ACKR1: variants seen among roughly 807,000 people sequenced by gnomAD.
ACKR1 encodes the protein atypical chemokine receptor 1.
ACKR1 carries 3 observed loss-of-function variants against 2.5 expected under a neutral mutation model. The observed-to-expected ratio is 1.18, with a 90% CI of 0.54 to 3.06. The LOEUF is 3.06. ACKR1 is among the 30% of genes most tolerant of loss of function. The pLI is 0.03. For synonymous variants in ACKR1, 208 were observed against 178.2 expected, an observed-to-expected ratio of 1.17 and a Z score of -1.33; for missense variants, 438 against 395.2, an observed-to-expected ratio of 1.11 and a Z score of -0.92.
chr1:159,206,081 T>C lies in ACKR1; in HGVS notation c.642T>C (p.Cys214=). The C allele has an allele frequency of 1.2e-6, 2 of 1,614,254 alleles. No individual in the cohort carries two copies. Among genetic ancestry groups the C allele is most frequent in the East Asian group, 2.2e-5 (1 of 44,890 alleles). The change falls in exon 2 of 2, where the codon TGT becomes TGC. Residue 214 remains cysteine, a synonymous_variant. Transcript: ENST00000368122. ...TGCAGGCCACACACACTGTAGCCTG[T>C]CTTGCCATCTTTGTCTTGTTGCCAT... is the stretch of plus-strand genomic sequence containing the variant. ...KALQATHTVA[C]LAIFVLLPLG... is the part of the protein sequence containing the mutation.
In ACKR1 at chr1:159,204,948, C is replaced by T; in HGVS notation, c.-12C>T. 3.1e-6 allele frequency: 5 copies of T among 1,614,162 alleles called. No homozygotes were observed. The highest frequency in any genetic ancestry group is 4.2e-6 in the Non-Finnish European group (5 of 1,180,034). Reference sequence around the variant, plus strand: ...CAGCCCTTCTGTCTGCGGGCCTGAACCAAACGGTGCCATGGGGAACTGTCT... The same window carrying T: ...CAGCCCTTCTGTCTGCGGGCCTGAATCAAACGGTGCCATGGGGAACTGTCT... On this transcript the variant is annotated 5_prime_UTR_variant, in exon 1 of 2. Transcript: ENST00000368122.
intron 1 of ACKR1, 134 bp downstream of exon 1, chr1:159,205,114 CA>C: frequency 1.2e-5 from 14 of 1,143,704 alleles, no homozygotes; most frequent in Non-Finnish European, 1.7e-5. Context: ...CCTCTTCCTT[CA>C]AAGTCTTTTT....
rs750596965 is a variant in ACKR1, at chr1:159,206,118, G to A, written c.679G>A (p.Gly227Arg). The A allele has an allele frequency of 6.2e-7, 1 of 1,614,214 alleles. No homozygotes were observed. The highest frequency in any genetic ancestry group is 2.2e-5 in the East Asian group (1 of 44,884). ...TGTCTTGTTGCCATTGGGTTTGTTT[G>A]GAGCCAAGGGGCTGAAGAAGGCATT... is the stretch of plus-strand genomic sequence containing the variant. ...IFVLLPLGLFGAKGLKKALGM... is the reference protein window; with the variant it reads ...IFVLLPLGLFRAKGLKKALGM... Residue 227 changes from glycine to arginine, a missense_variant, in exon 2 of 2, where the codon GGA becomes AGA. Transcript: ENST00000368122.
rs1184827981 is a variant in ACKR1 at position 159,205,938 on chromosome 1, C to T, written c.499C>T (p.Leu167=). The part of the protein sequence containing the change: ...LGAGQVPGLT[L]GLTVGIWGVA... ...TGCAGGCCAGGTCCCAGGCCTCACC[C>T]TGGGGCTCACTGTGGGAATTTGGGG... The change falls in exon 2 of 2, where the codon CTG becomes TTG. Residue 167 remains leucine, a synonymous_variant. Transcript: ENST00000368122. 2 of 1,614,094 alleles carry T rather than the reference C, an allele frequency of 1.2e-6. No homozygotes were observed. The highest frequency in any genetic ancestry group is 4.5e-5 in the East Asian group (2 of 44,884).
At position 159,206,139 on chromosome 1, in the gene ACKR1, G is replaced by T. The variant is rs752606141; in HGVS notation, c.700G>T (p.Ala234Ser). The T allele has an allele frequency of 1.9e-6, 3 of 1,614,224 alleles. No individual in the cohort carries two copies. The South Asian group carries it at 3.3e-5, about 18-fold the overall frequency. ...GTTTGGAGCCAAGGGGCTGAAGAAG[G>T]CATTGGGTATGGGGCCAGGCCCCTG... ...GLFGAKGLKK[A>S]LGMGPGPWMN... is the part of the protein sequence containing the mutation. Residue 234 changes from alanine (A) to serine (S), a missense_variant, in exon 2 of 2, where the codon GCA (alanine) becomes TCA (serine). Physicochemically the swap from Ala to Ser is moderately conservative, Grantham distance 99. Coordinates refer to ENST00000368122, the MANE Select transcript of ACKR1 (RefSeq NM_002036.4).
In ACKR1 at chr1:159,206,106, T is replaced by C. The variant is rs761900827; in HGVS notation, c.667T>C (p.Leu223=). 7 of 1,614,072 alleles carry C rather than the reference T, an allele frequency of 4.3e-6. No individual in the cohort carries two copies. Among genetic ancestry groups the C allele is most frequent in the Non-Finnish European group, 8.5e-7 (1 of 1,180,034 alleles). ...ACLAIFVLLP[L]GLFGAKGLKK... ...TCTTGCCATCTTTGTCTTGTTGCCA[T>C]TGGGTTTGTTTGGAGCCAAGGGGCT... is the stretch of plus-strand genomic sequence containing the variant. The change falls in exon 2 of 2, where the codon TTG becomes CTG. Residue 223 remains leucine, a synonymous_variant. Transcript: ENST00000368122.
chr1:159,206,182 C>G lies in ACKR1; in HGVS notation c.743C>G (p.Ala248Gly), dbSNP rs1266248927. The G allele has an allele frequency of 6.2e-7, 1 of 1,614,206 alleles. No individual in the cohort carries two copies. The highest frequency in any genetic ancestry group is 1.7e-5 in the Admixed American group (1 of 60,032). Reference sequence around the variant, plus strand: ...GGCCCCTGGATGAATATCCTGTGGGCCTGGTTTATTTTCTGGTGGCCTCAT... The same window carrying G: ...GGCCCCTGGATGAATATCCTGTGGGGCTGGTTTATTTTCTGGTGGCCTCAT... ...GPGPWMNILWAWFIFWWPHGV... is the reference protein window; with the variant it reads ...GPGPWMNILWGWFIFWWPHGV... Residue 248 changes from alanine (A) to glycine (G), a missense_variant, in exon 2 of 2, where the codon GCC becomes GGC. Physicochemically the swap from Ala to Gly is moderately conservative, Grantham distance 60 (BLOSUM62 0). Transcript: ENST00000368122.
chr1:159,206,176 T>C lies in ACKR1; in HGVS notation c.737T>C (p.Leu246Pro). Residue 246 changes from leucine to proline, a missense_variant, in exon 2 of 2, where the codon CTG becomes CCG. Coordinates refer to ENST00000368122, the MANE Select transcript of ACKR1 (RefSeq NM_002036.4). Reference sequence around the variant, plus strand: ...GGGCCAGGCCCCTGGATGAATATCCTGTGGGCCTGGTTTATTTTCTGGTGG... The same window carrying C: ...GGGCCAGGCCCCTGGATGAATATCCCGTGGGCCTGGTTTATTTTCTGGTGG... ...GMGPGPWMNI[L>P]WAWFIFWWPH... The C allele has an allele frequency of 6.2e-7, 1 of 1,614,242 alleles. No homozygotes were observed. Among genetic ancestry groups the C allele is most frequent in the Non-Finnish European group, 8.5e-7 (1 of 1,180,040 alleles).
At position 159,205,779 on chromosome 1, in the gene ACKR1, C is replaced by G; in HGVS notation, c.340C>G (p.Pro114Ala). ...VGSALFSIVV[P>A]VLAPGLGSTR... is the part of the protein sequence containing the mutation. Reference sequence around the variant, plus strand: ...CAGTGCCCTCTTCAGCATTGTGGTGCCCGTCTTGGCCCCAGGGCTAGGTAG... The same window carrying G: ...CAGTGCCCTCTTCAGCATTGTGGTGGCCGTCTTGGCCCCAGGGCTAGGTAG... The change falls in exon 2 of 2, where the codon CCC becomes GCC. Residue 114 changes from proline to alanine, a missense_variant. Coordinates refer to ENST00000368122, the MANE Select transcript of ACKR1 (RefSeq NM_002036.4). 1.2e-6 allele frequency: 2 copies of G among 1,614,096 alleles called. No individual in the cohort carries two copies. The highest frequency in any genetic ancestry group is 1.7e-6 in the Non-Finnish European group (2 of 1,179,996).
At position 159,205,740 on chromosome 1, in the gene ACKR1, C is replaced by T; in HGVS notation, c.301C>T (p.Gln101Ter). 1.2e-6 allele frequency: 2 copies of T among 1,613,972 alleles called. No homozygotes were observed. Among genetic ancestry groups the T allele is most frequent in the Non-Finnish European group, 1.7e-6 (2 of 1,179,888 alleles). ...QLCPGWPVLAQLAVGSALFSI... is the reference protein window; with the variant it reads ...QLCPGWPVLA ...CTGCCCTGGCTGGCCTGTCCTGGCA[C>T]AGCTGGCTGTGGGCAGTGCCCTCTT... The change falls in exon 2 of 2, where the codon CAG (glutamine) becomes TAG (stop). Residue 101 changes from glutamine (Q) to a stop codon, truncating the protein, a stop_gained. Coordinates refer to ENST00000368122, the MANE Select transcript of ACKR1 (RefSeq NM_002036.4). LOFTEE classifies it low-confidence loss of function (END_TRUNC).
In ACKR1 at chr1:159,206,158, G is replaced by T. The variant is rs769160977; in HGVS notation, c.719G>T (p.Gly240Val). 15 of 1,614,118 alleles carry T rather than the reference G, an allele frequency of 9.3e-6. No homozygotes were observed. Among genetic ancestry groups the T allele is most frequent in the South Asian group, 5.5e-5 (5 of 91,088 alleles). The change falls in exon 2 of 2, where the codon GGC becomes GTC. Residue 240 changes from glycine (G) to valine (V), a missense_variant. Coordinates refer to ENST00000368122, the MANE Select transcript of ACKR1 (RefSeq NM_002036.4). Reference sequence around the variant, plus strand: ...AAGAAGGCATTGGGTATGGGGCCAGGCCCCTGGATGAATATCCTGTGGGCC... The same window carrying T: ...AAGAAGGCATTGGGTATGGGGCCAGTCCCCTGGATGAATATCCTGTGGGCC... ...GLKKALGMGP[G>V]PWMNILWAWF... is the part of the protein sequence containing the mutation.
Position 159,206,037 on chromosome 1 carries a change from A to G in ACKR1, c.598A>G (p.Ser200Gly). The change falls in exon 2 of 2, where the codon AGC becomes GGC. Residue 200 changes from serine to glycine, a missense_variant. By Grantham distance (56) the Ser-to-Gly change is moderately conservative. Transcript: ENST00000368122. ...ASGGLCTLIY[S>G]TELKALQATH... Reference sequence around the variant, plus strand: ...TGGTGGACTCTGCACCCTGATATACAGCACGGAGCTGAAGGCTTTGCAGGC... The same window carrying G: ...TGGTGGACTCTGCACCCTGATATACGGCACGGAGCTGAAGGCTTTGCAGGC... 6.2e-7 allele frequency: 1 copy of G among 1,614,228 alleles called. No individual in the cohort carries two copies. Among genetic ancestry groups the G allele is most frequent in the Non-Finnish European group, 8.5e-7 (1 of 1,180,026 alleles).
Position 159,205,549 on chromosome 1 carries a change from C to G in ACKR1, c.110C>G (p.Pro37Arg), listed in dbSNP as rs771374604. 6.2e-7 allele frequency: 1 copy of G among 1,614,120 alleles called. No homozygotes were observed. Among genetic ancestry groups the G allele is most frequent in the Non-Finnish European group, 8.5e-7 (1 of 1,180,046 alleles). The change falls in exon 2 of 2, where the codon CCA becomes CGA. Residue 37 changes from proline (P) to arginine (R), a missense_variant. By Grantham distance (103) the Pro-to-Arg change is moderately radical (BLOSUM62 -2). Coordinates refer to ENST00000368122, the MANE Select transcript of ACKR1 (RefSeq NM_002036.4). ...NSSYGVNDSFPDGDYGANLEA... is the reference protein window; with the variant it reads ...NSSYGVNDSFRDGDYGANLEA... ...TCCTATGGTGTGAATGATTCCTTCC[C>G]AGATGGAGACTATGGTGCCAACCTG...
At chr1:159,205,381 C>A in intron 1 of ACKR1, 80 bp from the exon 2 acceptor site, 1 of 1,534,932 alleles carries the variant, frequency 6.5e-7, no homozygotes, top group Admixed American at 1.9e-5. Flanking sequence ...CCTCTCTGTC[C>A]TCCCCTCCCA....
At position 159,205,651 on chromosome 1, in the gene ACKR1, T is replaced by G; in HGVS notation, c.212T>G (p.Leu71Arg). 6.2e-7 allele frequency: 1 copy of G among 1,614,216 alleles called. No individual in the cohort carries two copies. The highest frequency in any genetic ancestry group is 1.1e-5 in the South Asian group (1 of 91,088). Residue 71 changes from leucine to arginine, a missense_variant, in exon 2 of 2, where the codon CTG (leucine) becomes CGG (arginine). Physicochemically the swap from Leu to Arg is moderately radical, Grantham distance 102. Transcript: ENST00000368122. ...CCCTTCTTCATCCTCACCAGTGTCC[T>G]GGGTATCCTAGCTAGCAGCACTGTC... is the stretch of plus-strand genomic sequence containing the variant. ...ALPFFILTSV[L>R]GILASSTVLF...
In ACKR1 at chr1:159,206,063, C is replaced by G; in HGVS notation, c.624C>G (p.Ala208=). The change falls in exon 2 of 2, where the codon GCC becomes GCG. Residue 208 remains alanine (A), a synonymous_variant. Transcript: ENST00000368122. Reference sequence around the variant, plus strand: ...GCACGGAGCTGAAGGCTTTGCAGGCCACACACACTGTAGCCTGTCTTGCCA... The same window carrying G: ...GCACGGAGCTGAAGGCTTTGCAGGCGACACACACTGTAGCCTGTCTTGCCA... ...IYSTELKALQ[A]THTVACLAIF... is the part of the protein sequence containing the mutation. 2.5e-6 allele frequency: 4 copies of G among 1,614,230 alleles called. No homozygotes were observed. Among genetic ancestry groups the G allele is most frequent in the Non-Finnish European group, 3.4e-6 (4 of 1,180,032 alleles).
chr1:159,205,848 T>C lies in ACKR1; in HGVS notation c.409T>C (p.Tyr137His), dbSNP rs139097208. 1.2e-6 allele frequency: 2 copies of C among 1,613,980 alleles called. No individual in the cohort carries two copies. Among genetic ancestry groups the C allele is most frequent in the African/African-American group, 2.7e-5 (2 of 74,938 alleles). Residue 137 changes from tyrosine (Y) to histidine (H), a missense_variant, in exon 2 of 2, where the codon TAT becomes CAT. Transcript: ENST00000368122. ...GTGTAGCCTGGGCTACTGTGTCTGGTATGGCTCAGCCTTTGCCCAGGCTTT... is the reference window on the plus strand; with the variant it reads ...GTGTAGCCTGGGCTACTGTGTCTGGCATGGCTCAGCCTTTGCCCAGGCTTT... The part of the protein sequence containing the change: ...ALCSLGYCVW[Y>H]GSAFAQALLL...
intron 1 of ACKR1, 101 bp downstream of exon 1, chr1:159,205,081 CTTTTCTCCCT>C: frequency 7.3e-7 from 1 of 1,377,676 alleles, no homozygotes; most frequent in Admixed American, 2.3e-5. Flanking sequence ...TCCTCCTCAT[CTTTTCTCCCT>C]TCCTGCTTTT....
In ACKR1 at chr1:159,206,424, C is replaced by G; in HGVS notation, c.985C>G (p.Leu329Val). The change falls in exon 2 of 2, where the codon CTG (leucine) becomes GTG (valine). Residue 329 changes from leucine to valine, a missense_variant. Transcript: ENST00000368122. The part of the protein sequence containing the change: ...LPLPEGWSSH[L>V]DTLGSKS ...CCTCCCTGAAGGATGGTCTTCTCATCTGGACACCCTTGGAAGCAAATCCTA... is the reference window on the plus strand; with the variant it reads ...CCTCCCTGAAGGATGGTCTTCTCATGTGGACACCCTTGGAAGCAAATCCTA... 3 of 1,613,654 alleles carry G rather than the reference C, an allele frequency of 1.9e-6. No individual in the cohort carries two copies. Among genetic ancestry groups the G allele is most frequent in the Non-Finnish European group, 2.5e-6 (3 of 1,179,666 alleles).
Sources: gnomAD v4.1 joint callset for allele counts on GRCh38, gnomAD v4.1.1 for gene constraint, MANE v1.5 for transcripts, NCBI Gene and HGNC (gene_info 2026-07-23, HGNC 2026-07-21) for gene names.